The following SH3RF3 variants were observed in gnomAD, a reference collection of about 807,000 sequenced individuals.
The protein encoded by SH3RF3 is E3 ubiquitin-protein ligase SH3RF3.
Under a neutral mutation model 66.3 loss-of-function variants are expected in SH3RF3, and 29 were observed. That is an observed-to-expected ratio of 0.44 (90% CI 0.33 to 0.60). The LOEUF (loss-of-function observed/expected upper bound fraction) is 0.60. Among genes scored for constraint, SH3RF3 ranks in the 20% least tolerant of loss-of-function variants. SH3RF3 has a pLI of 0.04. For synonymous variants in SH3RF3, 583 were observed against 532.0 expected, an observed-to-expected ratio of 1.10 and a Z score of -1.32; for missense variants, 1,194 against 1,190.9, an observed-to-expected ratio of 1.00 and a Z score of -0.04.
rs754956713 is a variant in SH3RF3 at position 109,129,551 on chromosome 2, G to A, written c.11G>A (p.Gly4Glu). The change falls in exon 1 of 10, where the codon GGA becomes GAA. Residue 4 changes from glycine (G) to glutamate (E), a missense_variant. Coordinates refer to ENST00000309415, the MANE Select transcript of SH3RF3 (RefSeq NM_001099289.3). ...GCGGGCGCCTCCCCCATGCTGCTCGGAGCGTCCTGGCTGTGCGCATCCAAG... is the reference window on the plus strand; with the variant it reads ...GCGGGCGCCTCCCCCATGCTGCTCGAAGCGTCCTGGCTGTGCGCATCCAAG... The part of the protein sequence containing the change: MLL[G>E]ASWLCASKAA... The A allele has an allele frequency of 1.1e-5, 17 of 1,495,834 alleles. No individual in the cohort carries two copies. In the Middle Eastern group the frequency reaches 8.9e-4, roughly 79 times the overall value. The allele number at this position is 1,495,834 out of a possible 1,614,324, so 92.7% of individuals were successfully genotyped here. A position where few individuals can be genotyped will look rare whatever the true frequency, so the allele number is the denominator to read the frequency against.
chr2:109,187,940 C>T (rs1305859072), intron 1 of SH3RF3, among the ~76,000 whole-genome samples: 4 of 152,196 alleles, frequency 2.6e-5, no homozygotes, highest in Non-Finnish European at 4.4e-5. Flanking sequence ...AGGAACCCCT[C>T]AGAGCAGCCC....
At chr2:109,395,656 A>G (rs1466079870) in intron 3 of SH3RF3, among the ~76,000 whole-genome samples, 2 of 152,186 alleles carry the variant, frequency 1.3e-5, no homozygotes, top group Non-Finnish European at 2.9e-5. Context: ...TCCGCCGTGA[A>G]GGCACAGTGC....
At chr2:109,464,281 C>T (rs1678281095) in intron 8 of SH3RF3, among the ~76,000 whole-genome samples, 1 of 152,216 alleles carries the variant, frequency 6.6e-6, no homozygotes, top group Admixed American at 6.5e-5. Context: ...AATATACACA[C>T]ATTCATACAT....
chr2:109,377,460 G>T (rs985667600), intron 3 of SH3RF3, among the ~76,000 whole-genome samples: 15 of 152,160 alleles, frequency 9.9e-5, no homozygotes, highest in Non-Finnish European at 2.2e-4. Flanking sequence ...AGAGCTGGAG[G>T]GGGCAGAAGA....
At chr2:109,191,774 A>G (rs985892513) in intron 1 of SH3RF3, among the ~76,000 whole-genome samples, 1 of 152,218 alleles carries the variant, frequency 6.6e-6, no homozygotes, top group Non-Finnish European at 1.5e-5. Flanking sequence ...GATCACAGTC[A>G]CAGTCACCTG....
At chr2:109,336,818 G>C (rs903686061) in intron 1 of SH3RF3, among the ~76,000 whole-genome samples, 2 of 152,142 alleles carry the variant, frequency 1.3e-5, no homozygotes, top group African/African-American at 4.8e-5. Flanking sequence ...ATGGAAATGG[G>C]GTGCCGAGGG....
chr2:109,413,828 A>T (rs1405841921), intron 4 of SH3RF3, among the ~76,000 whole-genome samples: 1 of 152,212 alleles, frequency 6.6e-6, no homozygotes, highest in Non-Finnish European at 1.5e-5. Flanking sequence ...CCAAGCCAGG[A>T]GTGAGGGCTT....
intron 1 of SH3RF3, among the ~76,000 whole-genome samples, chr2:109,329,708 GA>G (rs60231662): frequency 0.27 from 41,465 of 152,162 alleles, 7,310 homozygotes; most frequent in African/African-American, 0.5. Context: ...CAAGAAGTAA[GA>G]AAGCAGGAGG....
intron 1 of SH3RF3, among the ~76,000 whole-genome samples, chr2:109,275,569 A>C (rs1680733617): frequency 6.6e-6 from 1 of 152,070 alleles, no homozygotes; most frequent in African/African-American, 2.4e-5. Context: ...GCTGATGAGC[A>C]CTCAAAAGAG....
rs1177441491 is a variant in SH3RF3, at chr2:109,502,674, C to G, written c.*1003C>G. The G allele has an allele frequency of 6.6e-6, 1 of 152,164 alleles. No homozygotes were observed. Among genetic ancestry groups the G allele is most frequent in the African/African-American group, 2.4e-5 (1 of 41,446 alleles). The allele number at this position is 152,164 out of a possible 1,614,324, so 9.4% of individuals were successfully genotyped here. On this transcript the variant is annotated 3_prime_UTR_variant, in exon 10 of 10. Coordinates refer to ENST00000309415, the MANE Select transcript of SH3RF3 (RefSeq NM_001099289.3). ...TGTCTAGACGGTGATGATTATTATT[C>G]AAGACCTGGAAACATTTCGAGGAAG...
At chr2:109,262,355 CT>C (rs1193789766) in intron 1 of SH3RF3, among the ~76,000 whole-genome samples, 1 of 152,248 alleles carries the variant, frequency 6.6e-6, no homozygotes, top group East Asian at 1.9e-4. Context: ...TTCACTGTAC[CT>C]GGGGGCAGCC....
At chr2:109,200,224 C>T (rs1678637564) in intron 1 of SH3RF3, among the ~76,000 whole-genome samples, 1 of 152,142 alleles carries the variant, frequency 6.6e-6, no homozygotes, top group African/African-American at 2.4e-5. Context: ...TCTGCAGAGT[C>T]GCCAGAGGGG....
intron 1 of SH3RF3, among the ~76,000 whole-genome samples, chr2:109,155,549 C>T (rs1677326655): frequency 6.6e-6 from 1 of 152,190 alleles, no homozygotes; most frequent in Non-Finnish European, 1.5e-5. Context: ...GATCCGCCTG[C>T]CTCAGCCTCC....
intron 8 of SH3RF3, among the ~76,000 whole-genome samples, chr2:109,476,140 T>G (rs993723067): frequency 6.6e-6 from 1 of 152,180 alleles, no homozygotes; most frequent in African/African-American, 2.4e-5. Flanking sequence ...TATTTAAAAT[T>G]TGCTTATTAG....
At chr2:109,386,842 A>G (rs1211134851) in intron 3 of SH3RF3, among the ~76,000 whole-genome samples, 2 of 152,168 alleles carry the variant, frequency 1.3e-5, no homozygotes, top group Non-Finnish European at 2.9e-5. Flanking sequence ...AAAGACACCA[A>G]AGGCTCTTTA....
At chr2:109,213,269 C>T (rs2105115910) in intron 1 of SH3RF3, among the ~76,000 whole-genome samples, 1 of 152,322 alleles carries the variant, frequency 6.6e-6, no homozygotes, top group East Asian at 1.9e-4. Context: ...GGCTCTTCCT[C>T]CCTCTTTGCC....
At chr2:109,379,666 G>A (rs1420924747) in intron 3 of SH3RF3, among the ~76,000 whole-genome samples, 1 of 152,182 alleles carries the variant, frequency 6.6e-6, no homozygotes, top group African/African-American at 2.4e-5. Flanking sequence ...CTGCCGCAGC[G>A]ACAGCCTGTG....
At chr2:109,313,309 G>T (rs1035053508) in intron 1 of SH3RF3, among the ~76,000 whole-genome samples, 8 of 152,210 alleles carry the variant, frequency 5.3e-5, no homozygotes, top group Non-Finnish European at 1.2e-4. Context: ...TCCCAAGGGG[G>T]GAGGCTGGCA....
intron 5 of SH3RF3, among the ~76,000 whole-genome samples, chr2:109,431,980 C>T (rs1310450465): frequency 6.6e-6 from 1 of 152,202 alleles, no homozygotes; most frequent in Non-Finnish European, 1.5e-5. Context: ...TCTGAGGTCT[C>T]TTCCACCTCT....
Sources: allele counts gnomAD v4.1 joint callset (sites outside exome capture counted in the v4.1 genomes callset), GRCh38; gene constraint gnomAD v4.1.1; transcripts MANE v1.5; gene names NCBI Gene and HGNC (gene_info 2026-07-23, HGNC 2026-07-21).